Variants in CEP70 observed in about 807,000 individuals in gnomAD.
The protein encoded by CEP70 is centrosomal protein 70.
In CEP70, 70 loss-of-function variants were observed where a neutral mutation model predicts 90.9. The observed-to-expected ratio is 0.77, with a 90% confidence interval of 0.64 to 0.94. CEP70 has a LOEUF of 0.94. CEP70 is among the 40% of genes least tolerant of loss of function. The pLI, the probability that CEP70 is intolerant of heterozygous loss-of-function variation, is 0.00. For missense variants in CEP70, 648 were observed against 669.0 expected (o/e 0.97, Z 0.35); for synonymous variants, 220 against 228.3 (o/e 0.96, Z 0.33).
At chr3:138,570,149 G>A (rs2041065332) in intron 6 of CEP70, among the ~76,000 whole-genome samples, 169 bp downstream of exon 6, 1 of 152,130 alleles carries the variant, frequency 6.6e-6, no homozygotes, top group Admixed American at 6.6e-5. Context: ...AGTGAGGTCA[G>A]AGGGAAATAA....
At chr3:138,571,998 T>A (rs891599400) in intron 3 of CEP70, among the ~76,000 whole-genome samples, 1 of 152,184 alleles carries the variant, frequency 6.6e-6, no homozygotes, top group African/African-American at 2.4e-5. Context: ...CAGGTTGGTC[T>A]GGATCTCCTG....
intron 2 of CEP70, among the ~76,000 whole-genome samples, chr3:138,588,459 G>GACAT (rs954585455): frequency 6.6e-6 from 1 of 152,116 alleles, no homozygotes; most frequent in African/African-American, 2.4e-5. Context: ...CACAAAAGAA[G>GACAT]ACATACAGAT....
intron 12 of CEP70, among the ~76,000 whole-genome samples, chr3:138,508,003 G>A (rs550064468): frequency 6.6e-6 from 1 of 152,200 alleles, no homozygotes; most frequent in East Asian, 1.9e-4. Flanking sequence ...TATAAAACTA[G>A]GAAGGTGAGA....
chr3:138,508,113 T>C (rs1249549683), intron 12 of CEP70, among the ~76,000 whole-genome samples: 1 of 152,102 alleles, frequency 6.6e-6, no homozygotes, highest in Non-Finnish European at 1.5e-5. Flanking sequence ...ATAGATTTAC[T>C]TAATAATAAT....
At chr3:138,525,671 T>C (rs2037158182) in intron 10 of CEP70, 107 bp from the exon 11 acceptor site, 1 of 422,392 alleles carries the variant, frequency 2.4e-6, no homozygotes, top group Non-Finnish European at 4.1e-6. Flanking sequence ...ACAAATATAC[T>C]TATTAAGCTT....
chr3:138,569,883 TAAAC>T (rs947823139), intron 6 of CEP70, among the ~76,000 whole-genome samples: 11 of 151,930 alleles, frequency 7.2e-5, no homozygotes, highest in Non-Finnish European at 1.5e-4. Context: ...AGTAAACAAA[TAAAC>T]AAACAAAGTT....
chr3:138,542,294 A>G (rs991831921), intron 6 of CEP70, among the ~76,000 whole-genome samples: 1 of 152,166 alleles, frequency 6.6e-6, no homozygotes, highest in Non-Finnish European at 1.5e-5. Flanking sequence ...TGCCTGGACA[A>G]GGGGAATGCA....
In CEP70 at chr3:138,500,780, C is replaced by T. The variant is rs1046226378; in HGVS notation, c.1323G>A (p.Leu441=). The T allele has an allele frequency of 4.4e-6, 7 of 1,606,876 alleles. No individual in the cohort carries two copies. The highest frequency in any genetic ancestry group is 6.0e-6 in the Non-Finnish European group (7 of 1,175,644). ...ENEGIKVEDL[L]FIVDTMLEEV... is the part of the protein sequence containing the mutation. ...CTTCCAGCATAGTATCTACTATAAA[C>T]AACAAATCTTCAACTTTGATACCTT... The change falls in exon 14 of 18, where the codon TTG becomes TTA. Residue 441 remains leucine, a synonymous_variant. Coordinates refer to ENST00000264982, the MANE Select transcript of CEP70 (RefSeq NM_024491.4).
At chr3:138,495,137 G>A in intron 17 of CEP70, 61 bp from the exon 18 acceptor site, 1 of 1,012,816 alleles carries the variant, frequency 9.9e-7, no homozygotes, top group Non-Finnish European at 1.5e-6. Context: ...AAACTCACAT[G>A]AAACAAGAAC....
intron 14 of CEP70, 25 bp from the exon 15 acceptor site, chr3:138,500,592 A>T: frequency 6.4e-7 from 1 of 1,564,542 alleles, no homozygotes; most frequent in Non-Finnish European, 8.6e-7. Flanking sequence ...GGTAAAAAAG[A>T]AAGAGTTCAT....
chr3:138,565,411 G>A (rs2040710524), intron 6 of CEP70, among the ~76,000 whole-genome samples: 1 of 151,746 alleles, frequency 6.6e-6, no homozygotes, highest in African/African-American at 2.4e-5. Flanking sequence ...CAAAAAGCTG[G>A]AGGCAACACA....
intron 11 of CEP70, among the ~76,000 whole-genome samples, chr3:138,515,467 C>A (rs371216177): frequency 0.017 from 1,075 of 64,478 alleles, no homozygotes; most frequent in Middle Eastern, 0.023. Flanking sequence ...CATAGAAATG[C>A]AAAAAAAAAA....
At chr3:138,542,310 G>A (rs780764009) in intron 6 of CEP70, among the ~76,000 whole-genome samples, 10 of 152,288 alleles carry the variant, frequency 6.6e-5, no homozygotes, top group Admixed American at 1.3e-4. Context: ...ATGCAGGGGC[G>A]CCTGAAAGCT....
chr3:138,498,042 A>G lies in CEP70; in HGVS notation c.1721T>C (p.Leu574Pro), dbSNP rs760065622. The G allele has an allele frequency of 1.2e-6, 2 of 1,613,014 alleles. No individual in the cohort carries two copies. Among genetic ancestry groups the G allele is most frequent in the Non-Finnish European group, 1.7e-6 (2 of 1,179,446 alleles). The change falls in exon 17 of 18, where the codon CTT (leucine) becomes CCT (proline). Residue 574 changes from leucine (L) to proline (P), a missense_variant. Coordinates refer to ENST00000264982, the MANE Select transcript of CEP70 (RefSeq NM_024491.4). ...PAFQAFTNDLLEILEIDDLDA... is the reference protein window; with the variant it reads ...PAFQAFTNDLPEILEIDDLDA... ...ACCAGAGATCTTACCTAAGATTTCA[A>G]GTAGATCATTAGTAAATGCCTGAAA...
chr3:138,566,384 A>G (rs1404578483), intron 6 of CEP70, among the ~76,000 whole-genome samples: 1 of 152,176 alleles, frequency 6.6e-6, no homozygotes, highest in East Asian at 1.9e-4. Flanking sequence ...GCACACGTTT[A>G]TTGCAGCACT....
intron 17 of CEP70, 46 bp from the exon 18 acceptor site, chr3:138,495,122 G>T: frequency 8.7e-7 from 1 of 1,155,648 alleles, no homozygotes; most frequent in Non-Finnish European, 1.3e-6. Context: ...ACTTTTTCTA[G>T]TGGTAAACTC....
At position 138,508,503 on chromosome 3, in the gene CEP70, T is replaced by A. The variant is rs146347282; in HGVS notation, c.986A>T (p.Glu329Val). 6.2e-7 allele frequency: 1 copy of A among 1,612,690 alleles called. No individual in the cohort carries two copies. Among genetic ancestry groups the A allele is most frequent in the African/African-American group, 1.3e-5 (1 of 74,866 alleles). ...ATATTTGCTGGGCTCATCTTTCTTC[T>A]CTGTGTCCTCAGCCTTCTTATGATT... is the stretch of plus-strand genomic sequence containing the variant. ...LINHKKAEDT[E>V]KKDEPSKYNQ... The change falls in exon 12 of 18, where the codon GAG (glutamate) becomes GTG (valine). Residue 329 changes from glutamate (E) to valine (V), a missense_variant. Coordinates refer to ENST00000264982, the MANE Select transcript of CEP70 (RefSeq NM_024491.4).
chr3:138,542,056 C>G (rs985047734), intron 6 of CEP70, among the ~76,000 whole-genome samples: 1 of 152,202 alleles, frequency 6.6e-6, no homozygotes, highest in Non-Finnish European at 1.5e-5. Flanking sequence ...GCAGGCTGCA[C>G]TCAGCTTGTG....
At chr3:138,528,109 A>G (rs1194828638) in intron 10 of CEP70, among the ~76,000 whole-genome samples, 4 of 151,340 alleles carry the variant, frequency 2.6e-5, no homozygotes, top group African/African-American at 9.7e-5. Context: ...CAGTGACACA[A>G]TCATGGCTCA....
Sources: gnomAD v4.1 joint callset for allele counts (sites outside exome capture counted in the v4.1 genomes callset) on GRCh38, gnomAD v4.1.1 for gene constraint, MANE v1.5 for transcripts, NCBI Gene and HGNC (gene_info 2026-07-23, HGNC 2026-07-21) for gene names.